The following NPR1 variants were observed in gnomAD, a reference collection of about 807,000 sequenced individuals.
The protein encoded by NPR1 is atrial natriuretic peptide receptor 1.
NPR1 carries 57 observed loss-of-function variants against 116.9 expected under a neutral mutation model. The observed-to-expected ratio is 0.49, with a 90% confidence interval of 0.39 to 0.61. NPR1 has a LOEUF of 0.61. Among genes scored for constraint, NPR1 ranks in the 20% least tolerant of loss-of-function variants. The probability of loss-of-function intolerance (pLI) is 0.00; values close to 1 mark genes in which losing one functional copy is unlikely to be tolerated. For missense variants in NPR1, 1,096 were observed against 1,409.8 expected, an observed-to-expected ratio of 0.78 and a Z score of 3.56; for synonymous variants, 555 against 601.6, an observed-to-expected ratio of 0.92 and a Z score of 1.13.
intron 11 of NPR1, 88 bp downstream of exon 11, chr1:153,686,838 C>T: frequency 1.5e-6 from 2 of 1,340,000 alleles, no homozygotes; most frequent in Non-Finnish European, 2.1e-6. Context: ...ATGCCTCGCC[C>T]TCTTTCTGAC....
rs1670158910 is a variant in NPR1, at chr1:153,693,416, C to T, written c.*2C>T. On this transcript the variant is annotated 3_prime_UTR_variant, in exon 22 of 22. Transcript: ENST00000368680. ...AGGGGGAGTAGCACCCGAGGCTGAC[C>T]TGCCTCCTCTCCTATCCCTCCACAC... The T allele has an allele frequency of 6.2e-7, 1 of 1,602,994 alleles. No homozygotes were observed. Among genetic ancestry groups the T allele is most frequent in the African/African-American group, 1.4e-5 (1 of 73,444 alleles).
Position 153,680,700 on chromosome 1 carries a change from G to A in NPR1, c.921G>A (p.Gln307=). The change falls in exon 2 of 22, where the codon CAG becomes CAA. Residue 307 remains glutamine, a splice_region_variant and synonymous_variant. Transcript: ENST00000368680. ...GQDVSARQAF[Q]AAKIITYKDP... ...ATGTCAGTGCCCGCCAGGCCTTTCAGGTGAGTACCTAGGTTTGAAGCCCAG... is the reference window on the plus strand; with the variant it reads ...ATGTCAGTGCCCGCCAGGCCTTTCAAGTGAGTACCTAGGTTTGAAGCCCAG... 5 of 1,611,840 alleles carry A rather than the reference G, an allele frequency of 3.1e-6. No homozygotes were observed. Among genetic ancestry groups the A allele is most frequent in the Non-Finnish European group, 4.2e-6 (5 of 1,179,072 alleles).
At position 153,689,659 on chromosome 1, in the gene NPR1, C is replaced by G; in HGVS notation, c.2757+138C>G. ...GCAGAGACAGTGACACAGGGAGACC[C>G]GGGAACAGGCAGAGAACCCATGTGG... On this transcript the variant is annotated intron_variant, in intron 18 of 21. Transcript: ENST00000368680. This position sits in a 1 kb window ranked among gnomAD's most constrained non-coding sequence, Gnocchi z 5.1. The G allele has an allele frequency of 1.7e-6, 2 of 1,207,350 alleles. No individual in the cohort carries two copies. Among genetic ancestry groups the G allele is most frequent in the South Asian group, 2.7e-5 (2 of 72,780 alleles). 74.8% of individuals were successfully genotyped at this position (1,207,350 alleles called of 1,614,324 possible).
intron 7 of NPR1, among the ~76,000 whole-genome samples, chr1:153,684,701 A>C (rs955023134): frequency 1.3e-5 from 2 of 151,930 alleles, no homozygotes; most frequent in Non-Finnish European, 2.9e-5. Flanking sequence ...CATGTTCACT[A>C]TTTCTTTTCA....
intron 8 of NPR1, 97 bp downstream of exon 8, chr1:153,685,181 C>A: frequency 1.3e-6 from 2 of 1,482,044 alleles, no homozygotes; most frequent in Non-Finnish European, 9.1e-7. Context: ...ATTCTAGTCC[C>A]AGCTCTGCTT....
At chr1:153,690,126 C>G (rs1670060447) in intron 19 of NPR1, 146 bp downstream of exon 19, 2 of 621,806 alleles carry the variant, frequency 3.2e-6, no homozygotes, top group Non-Finnish European at 5.5e-6. Context: ...CTCTCTCTCT[C>G]TCTCTCTCTC....
intron 5 of NPR1, among the ~76,000 whole-genome samples, chr1:153,682,808 T>C (rs948222506): frequency 6.6e-6 from 1 of 152,170 alleles, no homozygotes. Flanking sequence ...GCCCCATGCC[T>C]GAGGAGGGAG....
At chr1:153,690,683 T>C (rs1453086512) in intron 20 of NPR1, among the ~76,000 whole-genome samples, 1 of 152,014 alleles carries the variant, frequency 6.6e-6, no homozygotes, top group Non-Finnish European at 1.5e-5. Context: ...GACTCACACC[T>C]GTAATCCCAG....
chr1:153,686,966 C>T, intron 11 of NPR1, 50 bp from the exon 12 acceptor site: 1 of 1,590,440 alleles, frequency 6.3e-7, no homozygotes, highest in Non-Finnish European at 8.6e-7. Flanking sequence ...CCTCCTCCAA[C>T]TCCCAGGGGG....
At position 153,681,820 on chromosome 1, in the gene NPR1, G is replaced by A; in HGVS notation, c.1152G>A (p.Met384Ile). ...VTDGENITQRMWNRSFQGVTG... is the reference protein window; with the variant it reads ...VTDGENITQRIWNRSFQGVTG... ...ATGGGGAGAACATCACTCAGCGGATGTGGAACCGAAGCTTTCAAGGTCAGG... is the reference window on the plus strand; with the variant it reads ...ATGGGGAGAACATCACTCAGCGGATATGGAACCGAAGCTTTCAAGGTCAGG... Residue 384 changes from methionine (M) to isoleucine (I), a missense_variant, in exon 4 of 22, where the codon ATG becomes ATA. Coordinates refer to ENST00000368680, the MANE Select transcript of NPR1 (RefSeq NM_000906.4). 1.2e-6 allele frequency: 2 copies of A among 1,613,986 alleles called. No individual in the cohort carries two copies. Among genetic ancestry groups the A allele is most frequent in the Non-Finnish European group, 1.7e-6 (2 of 1,179,998 alleles).
intron 8 of NPR1, 95 bp from the exon 9 acceptor site, chr1:153,685,711 A>T (rs3891075): frequency 0.082 from 75,803 of 922,988 alleles, 4,217 homozygotes; most frequent in African/African-American, 0.22. Context: ...AAGATAAGGC[A>T]GGATAAGGCA....
rs1669679564 is a variant in NPR1, at chr1:153,679,034, G to A, written c.-75G>A. Reference sequence around the variant, plus strand: ...CCATAGGGACGCGCCTGATGCCTGGGACCGGCCGCTGAGCCCAAGGGGACC... The same window carrying A: ...CCATAGGGACGCGCCTGATGCCTGGAACCGGCCGCTGAGCCCAAGGGGACC... On this transcript the variant is annotated 5_prime_UTR_variant, in exon 1 of 22. Coordinates refer to ENST00000368680, the MANE Select transcript of NPR1 (RefSeq NM_000906.4). This position sits in a 1 kb window ranked among gnomAD's most constrained non-coding sequence, Gnocchi z 4.2. 1.5e-6 allele frequency: 2 copies of A among 1,370,012 alleles called. No homozygotes were observed. Among genetic ancestry groups the A allele is most frequent in the African/African-American group, 1.5e-5 (1 of 64,892 alleles). 84.9% of individuals were successfully genotyped at this position (1,370,012 alleles called of 1,614,324 possible). A position where few individuals can be genotyped will look rare whatever the true frequency, so the allele number is the denominator to read the frequency against.
chr1:153,692,411 T>A (rs879404343), intron 20 of NPR1, among the ~76,000 whole-genome samples: 3 of 151,980 alleles, frequency 2.0e-5, no homozygotes, highest in Non-Finnish European at 4.4e-5. Context: ...TCCATAGTCA[T>A]GAAAATGTTC....
chr1:153,689,940 G>T lies in NPR1; in HGVS notation c.2892G>T (p.Arg964=), dbSNP rs1292608454. Residue 964 remains arginine (R), a synonymous_variant, in exon 19 of 22, where the codon CGG becomes CGT. Transcript: ENST00000368680. The surrounding 1 kb of genome is among the most constrained non-coding windows in gnomAD (Gnocchi z 5.1). ...DAVRSFRIRH[R]PQEQLRLRIG... Reference sequence around the variant, plus strand: ...TGCGCTCCTTCCGAATCCGCCACCGGCCCCAGGAGCAGCTGCGCTTGCGCA... The same window carrying T: ...TGCGCTCCTTCCGAATCCGCCACCGTCCCCAGGAGCAGCTGCGCTTGCGCA... The T allele has an allele frequency of 4.5e-6, 7 of 1,547,976 alleles. No individual in the cohort carries two copies. In the South Asian group the frequency reaches 8.3e-5, roughly 18 times the overall value.
chr1:153,678,822 G>C lies in NPR1; in HGVS notation c.-287G>C. 2.3e-6 allele frequency: 1 copy of C among 427,160 alleles called. No homozygotes were observed. Among genetic ancestry groups the C allele is most frequent in the African/African-American group, 2.1e-5 (1 of 47,574 alleles). 26.5% of individuals were successfully genotyped at this position (427,160 alleles called of 1,614,324 possible). ...CTCTCTCTCTCTCTCTCTCTAACAC[G>C]CACGCACACTCCCAGTTGTTCACAC... On this transcript the variant is annotated 5_prime_UTR_variant, in exon 1 of 22. Coordinates refer to ENST00000368680, the MANE Select transcript of NPR1 (RefSeq NM_000906.4). The surrounding 1 kb of genome is among the most constrained non-coding windows in gnomAD (Gnocchi z 5.8).
At position 153,679,132 on chromosome 1, in the gene NPR1, T is replaced by C; in HGVS notation, c.24T>C (p.Ala8=). The C allele has an allele frequency of 6.9e-7, 1 of 1,445,134 alleles. No individual in the cohort carries two copies. The highest frequency in any genetic ancestry group is 9.0e-7 in the Non-Finnish European group (1 of 1,110,154). 89.5% of individuals were successfully genotyped at this position (1,445,134 alleles called of 1,614,324 possible). The change falls in exon 1 of 22, where the codon GCT becomes GCC. Residue 8 remains alanine, a synonymous_variant. Coordinates refer to ENST00000368680, the MANE Select transcript of NPR1 (RefSeq NM_000906.4). This position sits in a 1 kb window ranked among gnomAD's most constrained non-coding sequence, Gnocchi z 4.2. MPGPRRP[A]GSRLRLLLLL... ...CCATGCCGGGGCCCCGGCGCCCCGC[T>C]GGCTCCCGCCTGCGCCTGCTCCTGC...
intron 19 of NPR1, 30 bp downstream of exon 19, chr1:153,690,010 C>T: frequency 6.8e-7 from 1 of 1,469,490 alleles, no homozygotes; most frequent in Non-Finnish European, 9.1e-7. Context: ...AGGCGGGCAT[C>T]CAGAGGCCAA....
chr1:153,693,404 C>T lies in NPR1; in HGVS notation c.3176C>T (p.Thr1059Ile). The T allele has an allele frequency of 6.2e-7, 1 of 1,610,564 alleles. No homozygotes were observed. The highest frequency in any genetic ancestry group is 2.2e-5 in the East Asian group (1 of 44,728). ...CTCCTTGGGGAGAGGGGGAGTAGCACCCGAGGCTGACCTGCCTCCTCTCCT... is the reference window on the plus strand; with the variant it reads ...CTCCTTGGGGAGAGGGGGAGTAGCATCCGAGGCTGACCTGCCTCCTCTCCT... Reference protein sequence around the residue: ...YWLLGERGSSTRG With the variant: ...YWLLGERGSSIRG Residue 1059 changes from threonine (T) to isoleucine (I), a missense_variant, in exon 22 of 22, where the codon ACC becomes ATC. Coordinates refer to ENST00000368680, the MANE Select transcript of NPR1 (RefSeq NM_000906.4).
chr1:153,681,978 C>A, intron 4 of NPR1, 139 bp downstream of exon 4: 2 of 1,018,920 alleles, frequency 2.0e-6, no homozygotes, highest in Non-Finnish European at 2.8e-6. Flanking sequence ...TTTTTCAGGC[C>A]CATCCCTCAG....
Sources: allele counts gnomAD v4.1 joint callset (sites outside exome capture counted in the v4.1 genomes callset), GRCh38; gene constraint gnomAD v4.1.1; non-coding constraint Gnocchi (gnomAD v3.1); transcripts MANE v1.5; gene names NCBI Gene and HGNC (gene_info 2026-07-23, HGNC 2026-07-21).